Variants in IQCJ observed in about 807,000 individuals in gnomAD.
The protein encoded by IQCJ is IQ motif containing J, also known as IQ domain-containing protein J.
Under a neutral mutation model 11.0 loss-of-function variants are expected in IQCJ, and 9 were observed. The observed-to-expected ratio is 0.82, with a 90% CI of 0.49 to 1.43. IQCJ has a LOEUF of 1.43. IQCJ is among the 40% of genes most tolerant of loss of function. The pLI, the probability that IQCJ is intolerant of heterozygous loss-of-function variation, is 0.00. For missense variants in IQCJ, 146 were observed against 133.2 expected, an observed-to-expected ratio of 1.10 and a Z score of -0.47; for synonymous variants, 55 against 51.3, an observed-to-expected ratio of 1.07 and a Z score of -0.31.
At chr3:159,248,139 A>G (rs1233783189) in intron 2 of IQCJ, among the ~76,000 whole-genome samples, 1 of 152,216 alleles carries the variant, frequency 6.6e-6, no homozygotes, top group Non-Finnish European at 1.5e-5. Flanking sequence ...CTTATCTTTA[A>G]AAATGAGAAT....
intron 1 of IQCJ, among the ~76,000 whole-genome samples, chr3:159,210,763 C>T (rs1362111851): frequency 4.6e-5 from 7 of 152,136 alleles, no homozygotes; most frequent in Admixed American, 6.5e-5. Flanking sequence ...CTCCCCCTCC[C>T]GGATTCCAGT....
intron 1 of IQCJ, among the ~76,000 whole-genome samples, chr3:159,213,519 T>C (rs1725063314): frequency 6.6e-6 from 1 of 152,216 alleles, no homozygotes; most frequent in Non-Finnish European, 1.5e-5. Context: ...TGCAAAGTAC[T>C]GTATAAAGAA....
chr3:159,134,882 A>G (rs1720200474), intron 1 of IQCJ, among the ~76,000 whole-genome samples: 1 of 152,232 alleles, frequency 6.6e-6, no homozygotes, highest in Non-Finnish European at 1.5e-5. Flanking sequence ...TCATGATAAT[A>G]AAACATGCAA....
At chr3:159,079,555 A>G (rs957647036) in intron 1 of IQCJ, among the ~76,000 whole-genome samples, 1 of 152,190 alleles carries the variant, frequency 6.6e-6, no homozygotes, top group African/African-American at 2.4e-5. Context: ...AAGATGAAAG[A>G]AAATAAAAAT....
chr3:159,079,294 C>T (rs1378214117), intron 1 of IQCJ, among the ~76,000 whole-genome samples: 1 of 152,034 alleles, frequency 6.6e-6, no homozygotes, highest in East Asian at 1.9e-4. Context: ...CAGTCACCTC[C>T]CCTAAAAGGG....
intron 1 of IQCJ, among the ~76,000 whole-genome samples, chr3:159,216,843 T>C (rs1164488756): frequency 6.6e-6 from 1 of 152,064 alleles, no homozygotes; most frequent in African/African-American, 2.4e-5. Flanking sequence ...CTTAAAACAA[T>C]AGAAGTCAAT....
chr3:159,263,885 A>G (rs1409887281), downstream of IQCJ: 6 of 905,094 alleles, frequency 6.6e-6, no homozygotes, highest in Non-Finnish European at 7.9e-6. Context: ...TAAAACAATT[A>G]TTTAGGGGAA....
In IQCJ at chr3:159,140,777, A is replaced by G. The variant is rs991167873; in HGVS notation, c.9+71336A>G. Among the ~76,000 whole-genome samples, 3 of 152,206 alleles carry G rather than the reference A, an allele frequency of 2.0e-5. No homozygotes were observed. The South Asian group carries it at 6.2e-4, about 31-fold the overall frequency. On this transcript the variant is annotated intron_variant, in intron 1 of 3. Coordinates refer to ENST00000397832, the MANE Select transcript of IQCJ (RefSeq NM_001042706.3). ...GAGAATGATGGTACCTACCTATATC[A>G]GTTTGTTAAGGCTGCCACAACAAAT...
intron 1 of IQCJ, among the ~76,000 whole-genome samples, chr3:159,222,581 C>T (rs1725613977): frequency 6.6e-6 from 1 of 152,134 alleles, no homozygotes; most frequent in Non-Finnish European, 1.5e-5. Flanking sequence ...AGGTTACAAA[C>T]TTGCAGTTAT....
chr3:159,205,067 T>C (rs1724572003), intron 1 of IQCJ, among the ~76,000 whole-genome samples: 1 of 152,154 alleles, frequency 6.6e-6, no homozygotes, highest in African/African-American at 2.4e-5. Flanking sequence ...ATGCAAAGTC[T>C]CTCTGCAAGG....
At chr3:159,218,867 G>A (rs1201757702) in intron 1 of IQCJ, among the ~76,000 whole-genome samples, 9 of 152,052 alleles carry the variant, frequency 5.9e-5, no homozygotes, top group Non-Finnish European at 1.3e-4. Flanking sequence ...CAAGGTGTAT[G>A]CAGGGCTTCG....
chr3:159,126,962 C>G (rs2108152586), intron 1 of IQCJ, among the ~76,000 whole-genome samples: 1 of 152,304 alleles, frequency 6.6e-6, no homozygotes, highest in East Asian at 1.9e-4. Flanking sequence ...GTTGACATCC[C>G]CTTGCTGGAA....
downstream of IQCJ, chr3:159,265,518 TA>T: frequency 1.2e-6 from 1 of 809,574 alleles, no homozygotes; most frequent in East Asian, 2.7e-5. Flanking sequence ...ACTTCTGTGT[TA>T]AAAGCCTTCA....
intron 1 of IQCJ, among the ~76,000 whole-genome samples, chr3:159,220,465 A>G (rs1380615359): frequency 2.0e-5 from 3 of 152,196 alleles, no homozygotes; most frequent in Non-Finnish European, 4.4e-5. Context: ...TTGCAAGTCA[A>G]CAAGAAGAGC....
intron 1 of IQCJ, among the ~76,000 whole-genome samples, chr3:159,220,069 T>A (rs2108115744): frequency 6.6e-6 from 1 of 152,308 alleles, no homozygotes; most frequent in South Asian, 2.1e-4. Flanking sequence ...TCTTTCTATA[T>A]CTCAGATTTC....
At chr3:159,095,590 C>A (rs1717686143) in intron 1 of IQCJ, among the ~76,000 whole-genome samples, 1 of 111,188 alleles carries the variant, frequency 9.0e-6, no homozygotes, top group South Asian at 3.4e-4. Context: ...GTTCAATTCC[C>A]ACCTATTAGT....
At chr3:159,177,074 T>C (rs1005133378) in intron 1 of IQCJ, among the ~76,000 whole-genome samples, 1 of 152,208 alleles carries the variant, frequency 6.6e-6, no homozygotes, top group Non-Finnish European at 1.5e-5. Context: ...TAGTAACACT[T>C]TTATCATTAA....
At chr3:159,258,297 A>C (rs1424515250) in intron 3 of IQCJ, among the ~76,000 whole-genome samples, 1 of 152,178 alleles carries the variant, frequency 6.6e-6, no homozygotes, top group Non-Finnish European at 1.5e-5. Flanking sequence ...AGCAGCCTTT[A>C]ATAGACCTGG....
At chr3:159,212,600 T>C (rs1725015126) in intron 1 of IQCJ, among the ~76,000 whole-genome samples, 1 of 152,238 alleles carries the variant, frequency 6.6e-6, no homozygotes, top group South Asian at 2.1e-4. Flanking sequence ...TAATGATTTA[T>C]TTTAATTTAC....
Sources: allele counts gnomAD v4.1 joint callset (sites outside exome capture counted in the v4.1 genomes callset), GRCh38; gene constraint gnomAD v4.1.1; transcripts MANE v1.5; gene names NCBI Gene and HGNC (gene_info 2026-07-23, HGNC 2026-07-21).